Variants in POLR3A observed in about 807,000 individuals in gnomAD.
The protein encoded by POLR3A is DNA-directed RNA polymerase III subunit RPC1.
Under a neutral mutation model 152.8 loss-of-function variants are expected in POLR3A, and 112 were observed. That is an observed-to-expected ratio of 0.73 (90% CI 0.63 to 0.86). The LOEUF (loss-of-function observed/expected upper bound fraction) is 0.86, where lower values mean the gene tolerates loss of function less well. POLR3A is among the 40% of genes least tolerant of loss of function. POLR3A has a pLI of 0.00. For missense variants in POLR3A, 1,385 were observed against 1,743.1 expected (o/e 0.79, Z 3.66); for synonymous variants, 615 against 652.1 (o/e 0.94, Z 0.87).
chr10:77,983,849 C>T (rs1847171327), intron 26 of POLR3A, 71 bp downstream of exon 26: 1 of 935,280 alleles, frequency 1.1e-6, no homozygotes, highest in Admixed American at 1.8e-5. Flanking sequence ...TTAGCTCTTG[C>T]CCTAGTTTAT....
intron 8 of POLR3A, among the ~76,000 whole-genome samples, chr10:78,020,831 T>C (rs1376716958): frequency 1.3e-5 from 2 of 152,124 alleles, no homozygotes; most frequent in Admixed American, 6.6e-5. Context: ...TATGTAGCAA[T>C]AGCCTTAAAA....
intron 19 of POLR3A, 48 bp downstream of exon 19, chr10:77,999,933 G>A (rs374058676): frequency 2.5e-6 from 4 of 1,592,758 alleles, no homozygotes; most frequent in Admixed American, 1.7e-5. Flanking sequence ...AAAACCCACA[G>A]AGCTCTGTCC....
intron 15 of POLR3A, among the ~76,000 whole-genome samples, chr10:78,005,750 G>A (rs183859393): frequency 5.2e-4 from 79 of 152,304 alleles, no homozygotes; most frequent in Non-Finnish European, 8.8e-4. Context: ...ATGGGAGTTC[G>A]CTCCCAGCGA....
rs267608671 is a variant in POLR3A at position 78,000,043 on chromosome 10, T to C, written c.2554A>G (p.Met852Val). The change falls in exon 19 of 31, where the codon ATG (methionine) becomes GTG (valine). Residue 852 changes from methionine to valine, a missense_variant. Around this residue, in one of 7 missense-constraint regions of POLR3A, gnomAD observed 170 missense variants for 231.2 expected, o/e 0.74. Coordinates refer to ENST00000372371, the MANE Select transcript of POLR3A (RefSeq NM_007055.4). ...TCGACTAGACCTTCCCGGCCGGCCA[T>C]TGTGTGGAAGAAAAACTCAGTTGGT... ...LTPTEFFFHT[M>V]AGREGLVDTA... 18 of 1,613,726 alleles carry C rather than the reference T, an allele frequency of 1.1e-5. No individual in the cohort carries two copies. The highest frequency in any genetic ancestry group is 2.2e-5 in the East Asian group (1 of 44,888).
Position 77,977,129 on chromosome 10 carries a change from C to A in POLR3A, c.*349G>T, listed in dbSNP as rs1847096531. ...TCAGGTGTGAAGACACCATGGGGAG[C>A]CGATGGATGTATGCAGTGAGCTGGG... On this transcript the variant is annotated 3_prime_UTR_variant, in exon 31 of 31. Transcript: ENST00000372371. 4.5e-5 allele frequency: 15 copies of A among 336,350 alleles called. 1 individual carries two copies. The highest frequency in any genetic ancestry group is 4.2e-4 in the South Asian group (15 of 35,466). The allele number at this position is 336,350 out of a possible 1,614,324, so 20.8% of individuals were successfully genotyped here. A position where few individuals can be genotyped will look rare whatever the true frequency, so the allele number is the denominator to read the frequency against.
Position 78,021,547 on chromosome 10 carries a change from T to G in POLR3A, c.1184A>C (p.Lys395Thr). ...TTGAGCAGCTGAGTGGTCACTTACC[T>G]TCTCAGGAAAAGTTAGAATTTTGGC... is the stretch of plus-strand genomic sequence containing the variant. ...HVAKILTFPE[K>T]VNKANINFLR... Residue 395 changes from lysine (K) to threonine (T), a missense_variant and splice_region_variant, in exon 8 of 31, where the codon AAG (lysine) becomes ACG (threonine). This residue lies in a region of POLR3A where 493 missense variants were observed against 647.5 expected (regional missense o/e 0.76). Transcript: ENST00000372371. 1 of 1,614,028 alleles carries G rather than the reference T, an allele frequency of 6.2e-7. No individual in the cohort carries two copies. The highest frequency in any genetic ancestry group is 8.5e-7 in the Non-Finnish European group (1 of 1,179,914).
intron 21 of POLR3A, among the ~76,000 whole-genome samples, chr10:77,986,689 A>T (rs1847201349): frequency 6.6e-6 from 1 of 152,184 alleles, no homozygotes; most frequent in Non-Finnish European, 1.5e-5. Flanking sequence ...AACCCAGCTT[A>T]TCTTTTCCCC....
At chr10:78,009,389 A>T in intron 14 of POLR3A, 148 bp downstream of exon 14, 2 of 1,024,128 alleles carry the variant, frequency 2.0e-6, no homozygotes, top group Non-Finnish European at 3.0e-6. Flanking sequence ...AAAACCAGCT[A>T]CATTTTCCTG....
At chr10:77,990,859 C>G (rs979876147) in intron 21 of POLR3A, among the ~76,000 whole-genome samples, 195 bp downstream of exon 21, 4 of 152,184 alleles carry the variant, frequency 2.6e-5, no homozygotes, top group Non-Finnish European at 4.4e-5. Context: ...AGTGATCCAC[C>G]TGCCTCGGCC....
In POLR3A at chr10:78,017,624, A is replaced by G. The variant is rs775530452; in HGVS notation, c.1382T>C (p.Leu461Pro). ...ERHLIDGDVV[L>P]FNRQPSLHKL... Reference sequence around the variant, plus strand: ...GTGCAGCGAGGGCTGCCGATTGAACAGCACCACATCTCCATCGATGAGGTG... The same window carrying G: ...GTGCAGCGAGGGCTGCCGATTGAACGGCACCACATCTCCATCGATGAGGTG... The change falls in exon 10 of 31, where the codon CTG becomes CCG. Residue 461 changes from leucine (L) to proline (P), a missense_variant. By Grantham distance (98) the Leu-to-Pro change is moderately conservative. Around this residue, in one of 7 missense-constraint regions of POLR3A, gnomAD observed 493 missense variants for 647.5 expected, o/e 0.76. Transcript: ENST00000372371. 6.2e-7 allele frequency: 1 copy of G among 1,614,012 alleles called. No homozygotes were observed.
At chr10:77,987,722 C>T (rs1183776417) in intron 21 of POLR3A, among the ~76,000 whole-genome samples, 5 of 152,228 alleles carry the variant, frequency 3.3e-5, no homozygotes, top group African/African-American at 1.2e-4. Flanking sequence ...CTAGCCATTT[C>T]TAGTTACTAC....
Position 78,004,879 on chromosome 10 carries a change from C to A in POLR3A, c.2084G>T (p.Gly695Val). The change falls in exon 16 of 31, where the codon GGT becomes GTT. Residue 695 changes from glycine (G) to valine (V), a missense_variant. By Grantham distance (109) the Gly-to-Val change is moderately radical. Coordinates refer to ENST00000372371, the MANE Select transcript of POLR3A (RefSeq NM_007055.4). ...GACATCACCGATCCCAATTGAGAAA[C>A]CACGGTTAGCTGTTGAGTTGGTAGA... ...RLAPVYLSNR[G>V]FSIGIGDVTP... 1 of 1,614,102 alleles carries A rather than the reference C, an allele frequency of 6.2e-7. No homozygotes were observed. Among genetic ancestry groups the A allele is most frequent in the Non-Finnish European group, 8.5e-7 (1 of 1,179,970 alleles).
At chr10:78,004,291 A>C (rs528835300) in intron 16 of POLR3A, among the ~76,000 whole-genome samples, 1 of 152,012 alleles carries the variant, frequency 6.6e-6, no homozygotes, top group East Asian at 1.9e-4. Flanking sequence ...ACCCCCAAAA[A>C]CCAAAGAGCT....
chr10:77,998,499 C>T (rs1020676679), intron 19 of POLR3A, among the ~76,000 whole-genome samples: 2 of 152,198 alleles, frequency 1.3e-5, no homozygotes, highest in Non-Finnish European at 2.9e-5. Flanking sequence ...AGGATATGAA[C>T]AGACACTTCT....
intron 10 of POLR3A, among the ~76,000 whole-genome samples, chr10:78,016,281 T>A (rs1847522932): frequency 1.3e-5 from 2 of 152,042 alleles, no homozygotes; most frequent in Non-Finnish European, 2.9e-5. Context: ...CAAAAGTCAA[T>A]TTTCTGGCTA....
At chr10:78,022,043 A>G in intron 6 of POLR3A, 21 bp from the exon 7 acceptor site, 1 of 1,614,174 alleles carries the variant, frequency 6.2e-7, no homozygotes, top group Non-Finnish European at 8.5e-7. Flanking sequence ...CACAGCCCAA[A>G]CAGAAACAAA....
At chr10:77,991,513 C>A (rs1006982403) in intron 20 of POLR3A, among the ~76,000 whole-genome samples, 5 of 152,134 alleles carry the variant, frequency 3.3e-5, no homozygotes, top group South Asian at 2.1e-4. Flanking sequence ...TCTCCCACTT[C>A]TGAAGCTCAT....
rs1356706059 is a variant in POLR3A at position 78,029,362 on chromosome 10, A to G, written c.44+2T>C. 5.6e-6 allele frequency: 9 copies of G among 1,614,106 alleles called. No individual in the cohort carries two copies. The highest frequency in any genetic ancestry group is 6.8e-6 in the Non-Finnish European group (8 of 1,180,026). ...CCTTTGGCCACTCTTACTCCGTCTT[A>G]CATTTTCTTGGCCACATCCGTCTCC... On this transcript the variant is annotated splice_donor_variant, in intron 1 of 30. Coordinates refer to ENST00000372371, the MANE Select transcript of POLR3A (RefSeq NM_007055.4). LOFTEE classifies it high-confidence loss of function.
rs534060438 is a variant in POLR3A at position 77,982,562 on chromosome 10, C to T, written c.3594+91G>A. ...TAAGGCCAAGAAGAAATTAAGAAAT[C>T]GGACTAAGTGACAAAGCCCTTAGGT... On this transcript the variant is annotated intron_variant, in intron 27 of 30. Coordinates refer to ENST00000372371, the MANE Select transcript of POLR3A (RefSeq NM_007055.4). 2.0e-4 allele frequency: 235 copies of T among 1,169,374 alleles called. 4 individuals carry two copies. The highest frequency in any genetic ancestry group is 1.5e-3 in the South Asian group (118 of 78,946). The allele number at this position is 1,169,374 out of a possible 1,614,324, so 72.4% of individuals were successfully genotyped here.
Sources: gnomAD v4.1 joint callset for allele counts (sites outside exome capture counted in the v4.1 genomes callset) on GRCh38, gnomAD v4.1.1 for gene constraint, gnomAD v4.1.1 regional missense constraint, MANE v1.5 for transcripts, NCBI Gene and HGNC (gene_info 2026-07-23, HGNC 2026-07-21) for gene names.